Variants in SRRM4 observed in about 807,000 individuals in gnomAD.
SRRM4 encodes serine/arginine repetitive matrix 4.
Under a neutral mutation model 68.9 loss-of-function variants are expected in SRRM4, and 33 were observed. The ratio of observed to expected loss-of-function variants is 0.48; its 90% confidence interval spans 0.36 to 0.64. The LOEUF is 0.64. Among genes scored for constraint, SRRM4 ranks in the 30% least tolerant of loss-of-function variants. SRRM4 has a pLI of 0.00. For missense variants in SRRM4, 817 were observed against 827.1 expected (o/e 0.99, Z 0.15); for synonymous variants, 318 against 318.8 (o/e 1.00, Z 0.03).
intron 1 of SRRM4, among the ~76,000 whole-genome samples, chr12:119,025,541 T>C (rs1305397846): frequency 6.6e-6 from 1 of 151,854 alleles, no homozygotes; most frequent in Non-Finnish European, 1.5e-5. Context: ...GCCTCCCGGG[T>C]TCAAGTGATT....
chr12:119,000,591 G>A (rs369394995), intron 1 of SRRM4, among the ~76,000 whole-genome samples: 1 of 152,274 alleles, frequency 6.6e-6, no homozygotes, highest in African/African-American at 2.4e-5. Flanking sequence ...ATTTCCAGGT[G>A]GAAGAGGCAT....
intron 1 of SRRM4, among the ~76,000 whole-genome samples, chr12:118,985,447 C>T (rs976091843): frequency 5.9e-5 from 9 of 152,150 alleles, no homozygotes; most frequent in African/African-American, 2.2e-4. Context: ...ATCAAATCTA[C>T]AGTGACTATG....
chr12:119,105,742 T>C (rs181861758), intron 2 of SRRM4, among the ~76,000 whole-genome samples: 2 of 152,344 alleles, frequency 1.3e-5, no homozygotes, highest in Admixed American at 1.3e-4. Flanking sequence ...GATAGGTAGA[T>C]TGTAAAAATT....
intron 1 of SRRM4, among the ~76,000 whole-genome samples, chr12:119,080,005 A>G (rs79851613): frequency 2.6e-5 from 4 of 152,234 alleles, no homozygotes; most frequent in African/African-American, 9.6e-5. Context: ...ATCAACCCGA[A>G]TTCAGCTACC....
chr12:119,116,875 T>G (rs529934838), intron 3 of SRRM4, 62 bp from the exon 4 acceptor site: 1 of 1,520,722 alleles, frequency 6.6e-7, no homozygotes, highest in East Asian at 2.3e-5. Flanking sequence ...GAAGGTTCTT[T>G]TTGAAACCAA....
In SRRM4 at chr12:119,088,384, C is replaced by T. The variant is rs553876238; in HGVS notation, c.132-13852C>T. On this transcript the variant is annotated intron_variant, in intron 1 of 12. Coordinates refer to ENST00000267260, the MANE Select transcript of SRRM4 (RefSeq NM_194286.4). ...CAACGGTGATTGGGAAAGAATAATCCACAGGGCTCCTCACCAAGCAGAAAT... is the reference window on the plus strand; with the variant it reads ...CAACGGTGATTGGGAAAGAATAATCTACAGGGCTCCTCACCAAGCAGAAAT... Among the ~76,000 whole-genome samples, 7 of 152,200 alleles carry T rather than the reference C, an allele frequency of 4.6e-5. No individual in the cohort carries two copies. The East Asian group carries it at 1.4e-3, about 29-fold the overall frequency.
intron 2 of SRRM4, among the ~76,000 whole-genome samples, chr12:119,110,286 A>G (rs1176038796): frequency 1.3e-5 from 2 of 152,162 alleles, no homozygotes; most frequent in Non-Finnish European, 2.9e-5. Context: ...GACGCACTTG[A>G]GGAGGCAGTC....
At chr12:119,030,836 T>A (rs190343224) in intron 1 of SRRM4, among the ~76,000 whole-genome samples, 1 of 152,322 alleles carries the variant, frequency 6.6e-6, no homozygotes, top group East Asian at 1.9e-4. Flanking sequence ...CAAAAATGAT[T>A]TCATATGGTT....
chr12:119,139,828 A>G (rs1043443484), intron 8 of SRRM4, among the ~76,000 whole-genome samples: 3 of 152,122 alleles, frequency 2.0e-5, no homozygotes, highest in Non-Finnish European at 4.4e-5. Context: ...CTTTCTGGCC[A>G]GAAAGGGCAC....
intron 1 of SRRM4, among the ~76,000 whole-genome samples, chr12:119,018,160 A>G (rs1398564686): frequency 1.3e-5 from 2 of 152,234 alleles, no homozygotes; most frequent in Non-Finnish European, 2.9e-5. Flanking sequence ...TCAACTCCCA[A>G]GGAGACAGGA....
At chr12:119,045,719 T>C (rs1008388323) in intron 1 of SRRM4, among the ~76,000 whole-genome samples, 4 of 152,122 alleles carry the variant, frequency 2.6e-5, no homozygotes, top group African/African-American at 9.7e-5. Flanking sequence ...GCTTCTGCCT[T>C]GATTGGGACT....
chr12:119,149,469 C>T (rs1954425274), intron 9 of SRRM4, among the ~76,000 whole-genome samples: 1 of 152,184 alleles, frequency 6.6e-6, no homozygotes, highest in East Asian at 1.9e-4. Flanking sequence ...ATATCTGGGA[C>T]AGAAGAGACA....
chr12:119,092,772 A>G (rs1467894945), intron 1 of SRRM4, among the ~76,000 whole-genome samples: 1 of 151,896 alleles, frequency 6.6e-6, no homozygotes, highest in Non-Finnish European at 1.5e-5. Flanking sequence ...TTTAAAACCT[A>G]AGTCAGAACA....
chr12:119,100,343 A>AAAAAAC (rs1565908005), intron 1 of SRRM4, among the ~76,000 whole-genome samples: 1 of 150,658 alleles, frequency 6.6e-6, no homozygotes. Context: ...AAAAAAAAAA[A>AAAAAAC]TCTGGGTGTG....
rs564086887 is a variant in SRRM4 at position 119,056,094 on chromosome 12, C to T, written c.132-46142C>T. ...TGCAATGTCTTGAAATAACTCTGCT[C>T]TTCCGGCCAGCCCCCCTCTCAGCCT... On this transcript the variant is annotated intron_variant, in intron 1 of 12. Transcript: ENST00000267260. Among the ~76,000 whole-genome samples the T allele has an allele frequency of 1.1e-3, 164 of 152,336 alleles. 1 individual carries two copies. The highest frequency in any genetic ancestry group is 3.6e-3 in the African/African-American group (151 of 41,588).
intron 1 of SRRM4, among the ~76,000 whole-genome samples, chr12:119,088,897 C>T (rs1953996388): frequency 6.6e-6 from 1 of 152,232 alleles, no homozygotes; most frequent in Non-Finnish European, 1.5e-5. Context: ...TAAGTGCTTA[C>T]TCTGCACAAG....
At position 119,026,198 on chromosome 12, in the gene SRRM4, G is replaced by T. The variant is rs141342715; in HGVS notation, c.131+44185G>T. Among the ~76,000 whole-genome samples the T allele has an allele frequency of 3.8e-3, 583 of 152,126 alleles. 20 individuals are homozygous for T. Among genetic ancestry groups the T allele is most frequent in the African/African-American group, 0.013 (547 of 41,392 alleles). ...ATGTCATGAAAAAAATCACTCTGTG[G>T]CTGTGGAGGAGATAAGTAGGAAGGG... On this transcript the variant is annotated intron_variant, in intron 1 of 12. Coordinates refer to ENST00000267260, the MANE Select transcript of SRRM4 (RefSeq NM_194286.4).
At chr12:119,072,662 A>G (rs1301105838) in intron 1 of SRRM4, among the ~76,000 whole-genome samples, 1 of 152,198 alleles carries the variant, frequency 6.6e-6, no homozygotes, top group Non-Finnish European at 1.5e-5. Flanking sequence ...GGTCCTAGCC[A>G]GCCAGCCAGT....
intron 1 of SRRM4, among the ~76,000 whole-genome samples, chr12:119,045,470 T>TCCCCCCCTC (rs1555215559): frequency 7.3e-6 from 1 of 137,306 alleles, no homozygotes; most frequent in Non-Finnish European, 1.6e-5. Flanking sequence ...ACATTCCCCT[T>TCCCCCCCTC]CCCCCACTCC....
Sources: gnomAD v4.1 joint callset for allele counts (sites outside exome capture counted in the v4.1 genomes callset) on GRCh38, gnomAD v4.1.1 for gene constraint, MANE v1.5 for transcripts, NCBI Gene and HGNC (gene_info 2026-07-23, HGNC 2026-07-21) for gene names.